The following ADAMTS10 variants were observed in gnomAD, a reference collection of about 807,000 sequenced individuals.
The protein encoded by ADAMTS10 is ADAM metallopeptidase with thrombospondin type 1 motif 10, also known as A disintegrin and metalloproteinase with thrombospondin motifs 10.
A neutral mutation model predicts 135.9 loss-of-function variants in ADAMTS10; 48 were observed. The observed-to-expected ratio is 0.35, with a 90% CI of 0.28 to 0.45. The LOEUF is 0.45. Ranked by LOEUF, ADAMTS10 falls within the 20% of genes least tolerant of loss-of-function variation. The probability of loss-of-function intolerance (pLI) is 1.00; values close to 1 mark genes in which losing one functional copy is unlikely to be tolerated. For synonymous variants in ADAMTS10, 621 were observed against 647.5 expected, an observed-to-expected ratio of 0.96 and a Z score of 0.62; for missense variants, 1,131 against 1,565.2, an observed-to-expected ratio of 0.72 and a Z score of 4.68.
intron 1 of ADAMTS10, among the ~76,000 whole-genome samples, chr19:8,608,972 G>T (rs1176369908): frequency 3.3e-5 from 5 of 150,854 alleles, no homozygotes; most frequent in Admixed American, 2.7e-4. Context: ...CCACAGGGTG[G>T]TGTCGAGGTG....
rs149789969 is a variant in ADAMTS10, at chr19:8,605,249, G to A, written c.198C>T (p.Arg66=). ...FSPPPPRRQR[R]GTGATAESRL... ...GGGACTCGGCTGTGGCCCCCGTGCCGCGGCGCTGCCTCCGGGGAGGAGGTG... is the reference window on the plus strand; with the variant it reads ...GGGACTCGGCTGTGGCCCCCGTGCCACGGCGCTGCCTCCGGGGAGGAGGTG... Residue 66 remains arginine, a synonymous_variant, in exon 4 of 26, where the codon CGC becomes CGT. Transcript: ENST00000597188. This position sits in a 1 kb window ranked among gnomAD's most constrained non-coding sequence, Gnocchi z 7.7. 437 of 1,613,160 alleles carry A rather than the reference G, an allele frequency of 2.7e-4. 3 individuals are homozygous for A. Among genetic ancestry groups the A allele is most frequent in the South Asian group, 2.4e-3 (220 of 90,990 alleles).
chr19:8,604,989 G>A lies in ADAMTS10; in HGVS notation c.435+23C>T, dbSNP rs542133595. The A allele has an allele frequency of 5.2e-5, 82 of 1,575,210 alleles. 1 individual carries two copies. In the South Asian group the frequency reaches 7.5e-4, roughly 14 times the overall value. ...TCCAAACTTATGGGCATTTCCCCCC[G>A]CGTTCCAGAATCCTCAGCTCACCAG... is the stretch of plus-strand genomic sequence containing the variant. On this transcript the variant is annotated intron_variant, in intron 4 of 25. Transcript: ENST00000597188.
At chr19:8,590,569 C>T (rs1156309057) in intron 15 of ADAMTS10, among the ~76,000 whole-genome samples, 1 of 152,200 alleles carries the variant, frequency 6.6e-6, no homozygotes, top group Non-Finnish European at 1.5e-5. Flanking sequence ...AGTGATTCTC[C>T]TGCCTCAGCC....
chr19:8,595,968 C>A, intron 11 of ADAMTS10, 65 bp from the exon 12 acceptor site: 1 of 1,614,028 alleles, frequency 6.2e-7, no homozygotes, highest in Admixed American at 1.7e-5. Flanking sequence ...GGAGCCTCAG[C>A]TGGATGGGGG....
rs1335933661 is a variant in ADAMTS10, at chr19:8,587,702, C to T, written c.2159-806G>A. ...ATCCCAGCACATTGGGAGGCTGAGG[C>T]GGGCAGATCATGAGGTCAGGAGATT... On this transcript the variant is annotated intron_variant, in intron 18 of 25. Transcript: ENST00000597188. Among the ~76,000 whole-genome samples, 9 of 151,944 alleles carry T rather than the reference C, an allele frequency of 5.9e-5. No individual in the cohort carries two copies. The East Asian group carries it at 9.7e-4, about 16-fold the overall frequency.
chr19:8,581,864 A>AC (rs1169646259), intron 25 of ADAMTS10, among the ~76,000 whole-genome samples: 8 of 147,032 alleles, frequency 5.4e-5, no homozygotes. Context: ...AAAAAACAAA[A>AC]AAAAAAAAAA....
chr19:8,596,687 G>A lies in ADAMTS10; in HGVS notation c.1041-102C>T, dbSNP rs1454995574. 39 of 1,419,158 alleles carry A rather than the reference G, an allele frequency of 2.7e-5. No homozygotes were observed. The highest frequency in any genetic ancestry group is 5.1e-4 in the Middle Eastern group (2 of 3,914). 87.9% of individuals were successfully genotyped at this position (1,419,158 alleles called of 1,614,324 possible). ...GGGGGTTGAGTCCTGCCTTGGAGGC[G>A]CCATCTGCCTCTCACCTGAAGCTGC... On this transcript the variant is annotated intron_variant, in intron 8 of 25. Transcript: ENST00000597188. The surrounding 1 kb of genome is among the most constrained non-coding windows in gnomAD (Gnocchi z 7.2).
intron 13 of ADAMTS10, 108 bp downstream of exon 13, chr19:8,592,655 A>C: frequency 8.7e-7 from 1 of 1,154,682 alleles, no homozygotes; most frequent in East Asian, 2.6e-5. Context: ...GGCGTGGCCA[A>C]TGTGGGAGGG....
chr19:8,590,568 C>A (rs536154349), intron 15 of ADAMTS10, among the ~76,000 whole-genome samples: 2 of 151,850 alleles, frequency 1.3e-5, no homozygotes, highest in Non-Finnish European at 2.9e-5. Context: ...AAGTGATTCT[C>A]CTGCCTCAGC....
In ADAMTS10 at chr19:8,596,238, G is replaced by A; in HGVS notation, c.1191-19C>T. On this transcript the variant is annotated intron_variant, in intron 10 of 25. Coordinates refer to ENST00000597188, the MANE Select transcript of ADAMTS10 (RefSeq NM_030957.4). The surrounding 1 kb of genome is among the most constrained non-coding windows in gnomAD (Gnocchi z 7.2). ...GCCGAATCTGGGGAAAGGGGTGTCG[G>A]CTCTGCCGGGCGCTGAGGGACCCGC... 1 of 1,613,278 alleles carries A rather than the reference G, an allele frequency of 6.2e-7. No homozygotes were observed. Among genetic ancestry groups the A allele is most frequent in the Non-Finnish European group, 8.5e-7 (1 of 1,180,010 alleles).
At chr19:8,584,807 T>A in intron 25 of ADAMTS10, 88 bp downstream of exon 25, 1 of 1,511,788 alleles carries the variant, frequency 6.6e-7, no homozygotes, top group South Asian at 1.2e-5. Flanking sequence ...TTCCAGAAGT[T>A]CTAGGATGAA....
rs1555736664 is a variant in ADAMTS10 at position 8,585,254 on chromosome 19, C to T, written c.2920G>A (p.Ala974Thr). The change falls in exon 24 of 26, where the codon GCA (alanine) becomes ACA (threonine). Residue 974 changes from alanine (A) to threonine (T), a missense_variant. This residue lies in a region of ADAMTS10 where 745 missense variants were observed against 1,056.3 expected (regional missense o/e 0.71). Transcript: ENST00000597188. ...LRHRVVLCKS[A>T]DHRATLPPAH... ...GGGGGCAGCGTGGCGCGGTGGTCTGCGCTCTTGCAAAGGACCACGCGGTGG... is the reference window on the plus strand; with the variant it reads ...GGGGGCAGCGTGGCGCGGTGGTCTGTGCTCTTGCAAAGGACCACGCGGTGG... 6.7e-7 allele frequency: 1 copy of T among 1,491,046 alleles called. No individual in the cohort carries two copies. Among genetic ancestry groups the T allele is most frequent in the Non-Finnish European group, 8.9e-7 (1 of 1,118,628 alleles). The allele number at this position is 1,491,046 out of a possible 1,614,324, so 92.4% of individuals were successfully genotyped here.
At chr19:8,591,931 TC>T in intron 14 of ADAMTS10, 26 bp downstream of exon 14, 1 of 1,611,632 alleles carries the variant, frequency 6.2e-7, no homozygotes, top group Non-Finnish European at 8.5e-7. Flanking sequence ...CGCGCTGCCC[TC>T]CCGGGTGGGG....
At chr19:8,602,404 T>C (rs2042677694) in intron 5 of ADAMTS10, among the ~76,000 whole-genome samples, 1 of 152,042 alleles carries the variant, frequency 6.6e-6, no homozygotes, top group Non-Finnish European at 1.5e-5. Context: ...CCGCAACCTC[T>C]ACCTCCCGGG....
intron 25 of ADAMTS10, among the ~76,000 whole-genome samples, chr19:8,583,039 C>T (rs1555736122): frequency 6.6e-6 from 1 of 152,170 alleles, no homozygotes; most frequent in East Asian, 1.9e-4. Flanking sequence ...CCAGTTCAGC[C>T]TCCCAAAGTG....
Position 8,589,652 on chromosome 19 carries a change from G to A in ADAMTS10, c.1901-67C>T. 5.0e-6 allele frequency: 8 copies of A among 1,604,612 alleles called. 1 individual carries two copies. The highest frequency in any genetic ancestry group is 6.8e-6 in the Non-Finnish European group (8 of 1,177,324). On this transcript the variant is annotated intron_variant, in intron 16 of 25. Transcript: ENST00000597188. ...CGGAACTCTTTGCTTGCTCCCTGGG[G>A]GAGTGAGGCCAAGAGGGACAGACCC...
chr19:8,589,490 G>A lies in ADAMTS10; in HGVS notation c.1996C>T (p.Pro666Ser). 2 of 1,613,748 alleles carry A rather than the reference G, an allele frequency of 1.2e-6. No individual in the cohort carries two copies. Among genetic ancestry groups the A allele is most frequent in the South Asian group, 1.1e-5 (1 of 91,080 alleles). The change falls in exon 17 of 26, where the codon CCA becomes TCA. Residue 666 changes from proline to serine, a missense_variant. By Grantham distance (74) the Pro-to-Ser change is moderately conservative. Around this residue, in one of 3 missense-constraint regions of ADAMTS10, gnomAD observed 745 missense variants for 1,056.3 expected, o/e 0.71. Transcript: ENST00000597188. ...CTGACGCAAATGTCCACCGTGTCTG[G>A]ACGGCAGGGTGTCCCGTCCACCACG... ...AAVVDGTPCR[P>S]DTVDICVSGE...
At chr19:8,595,698 T>TACCAACCCC in intron 12 of ADAMTS10, 64 bp downstream of exon 12, 4 of 1,291,948 alleles carry the variant, frequency 3.1e-6, no homozygotes, top group Middle Eastern at 2.5e-4. Flanking sequence ...CTGGTGGAGT[T>TACCAACCCC]CCCTCCCCCA....
At position 8,585,501 on chromosome 19, in the gene ADAMTS10, G is replaced by A. The variant is rs2042415323; in HGVS notation, c.2820C>T (p.His940=). The change falls in exon 23 of 26, where the codon CAC becomes CAT. Residue 940 remains histidine, a synonymous_variant. Transcript: ENST00000597188. ...CCCACTCCGGAGGGCAAGTGGGGCC[G>A]TGGCAGGCCTCCAGTACAGGTGGGC... ...QPRPPVLEAC[H]GPTCPPEWAA... The A allele has an allele frequency of 1.9e-6, 3 of 1,543,000 alleles. No individual in the cohort carries two copies. Among genetic ancestry groups the A allele is most frequent in the African/African-American group, 1.4e-5 (1 of 73,282 alleles).
Sources: gnomAD v4.1 joint callset for allele counts (sites outside exome capture counted in the v4.1 genomes callset) on GRCh38, gnomAD v4.1.1 for gene constraint, gnomAD v4.1.1 regional missense constraint, Gnocchi (gnomAD v3.1) non-coding constraint, MANE v1.5 for transcripts, NCBI Gene and HGNC (gene_info 2026-07-23, HGNC 2026-07-21) for gene names.